The following DST variants were observed in gnomAD, a reference collection of about 807,000 sequenced individuals.
The protein encoded by DST is dystonin, also known as bullous pemphigoid antigen.
DST carries 253 observed loss-of-function variants against 875.2 expected under a neutral mutation model. The observed-to-expected ratio is 0.29, with a 90% CI of 0.26 to 0.32. The LOEUF is 0.32. Among genes scored for constraint, DST ranks in the 10% least tolerant of loss-of-function variants. The pLI, the probability that DST is intolerant of heterozygous loss-of-function variation, is 1.00. For missense variants in DST, 8,287 were observed against 9,111.6 expected, an observed-to-expected ratio of 0.91 and a Z score of 3.68; for synonymous variants, 3,124 against 3,197.1, an observed-to-expected ratio of 0.98 and a Z score of 0.77.
intron 43 of DST, chr6:56,601,945 T>C (rs187779820): frequency 1.4e-4 from 64 of 446,196 alleles, no homozygotes; most frequent in African/African-American, 1.2e-3. Flanking sequence ...GCACTTAAAA[T>C]ATAACTCTGA....
intron 4 of DST, among the ~76,000 whole-genome samples, chr6:56,821,357 T>C (rs2099772849): frequency 6.6e-6 from 1 of 152,192 alleles, no homozygotes; most frequent in Admixed American, 6.5e-5. Context: ...AGAATGAAGC[T>C]TGCAAGGAAG....
chr6:56,592,249 C>T lies in DST; in HGVS notation c.12836G>A (p.Ser4279Asn), dbSNP rs774140251. ...CGCAATAGGTTCAGATAAGTGTTTGCTCGCTGTGGCCTCACAGGCCTGGAG... is the reference window on the plus strand; with the variant it reads ...CGCAATAGGTTCAGATAAGTGTTTGTTCGCTGTGGCCTCACAGGCCTGGAG... The part of the protein sequence containing the change: ...AGLQACEATA[S>N]KHLSEPIAVD... The change falls in exon 49 of 104, where the codon AGC becomes AAC. Residue 4279 changes from serine to asparagine, a missense_variant. By Grantham distance (46) the Ser-to-Asn change is conservative. Around this residue, in one of 10 missense-constraint regions of DST, gnomAD observed 1,513 missense variants for 1,677.8 expected, o/e 0.90. Transcript: ENST00000680361. 1 of 1,613,358 alleles carries T rather than the reference C, an allele frequency of 6.2e-7. No homozygotes were observed. Among genetic ancestry groups the T allele is most frequent in the South Asian group, 1.1e-5 (1 of 90,864 alleles).
intron 49 of DST, 32 bp downstream of exon 49, chr6:56,592,150 C>T (rs1208020978): frequency 1.3e-6 from 2 of 1,598,674 alleles, no homozygotes; most frequent in South Asian, 1.1e-5. Context: ...AGTAAGACTA[C>T]TGGAAATGTG....
chr6:56,631,419 A>G, intron 29 of DST, 30 bp from the exon 30 acceptor site: 1 of 1,597,742 alleles, frequency 6.3e-7, no homozygotes, highest in Non-Finnish European at 8.6e-7. Flanking sequence ...CAAAGGTATC[A>G]GGCCATCACC....
intron 5 of DST, among the ~76,000 whole-genome samples, chr6:56,725,651 G>T (rs1022351425): frequency 2.0e-5 from 3 of 152,190 alleles, no homozygotes; most frequent in African/African-American, 7.2e-5. Flanking sequence ...TTCTCCTCTA[G>T]TATATGGCTT....
chr6:56,650,960 T>G lies in DST; in HGVS notation c.1400A>C (p.Lys467Thr). 6.2e-7 allele frequency: 1 copy of G among 1,613,164 alleles called. No individual in the cohort carries two copies. The highest frequency in any genetic ancestry group is 8.5e-7 in the Non-Finnish European group (1 of 1,179,306). ...AATGCCTTCCCCACCTTCAGGGACT[T>G]TAGGAAATGCATCATAGAGAGATGA... ...YVSSLYDAFP[K>T]VPEGGEGIGA... The change falls in exon 12 of 104, where the codon AAA becomes ACA. Residue 467 changes from lysine to threonine, a missense_variant. By Grantham distance (78) the Lys-to-Thr change is moderately conservative. Around this residue, in one of 10 missense-constraint regions of DST, gnomAD observed 1,160 missense variants for 1,424.3 expected, o/e 0.81. Coordinates refer to ENST00000680361, the MANE Select transcript of DST (RefSeq NM_001374736.1).
At position 56,532,293 on chromosome 6, in the gene DST, A is replaced by G. The variant is rs2096909314; in HGVS notation, c.17108+51T>C. 2.0e-6 allele frequency: 3 copies of G among 1,532,630 alleles called. No homozygotes were observed. The South Asian group carries it at 3.5e-5, about 18-fold the overall frequency. The allele number at this position is 1,532,630 out of a possible 1,614,324, so 94.9% of individuals were successfully genotyped here. On this transcript the variant is annotated intron_variant, in intron 64 of 103. Coordinates refer to ENST00000680361, the MANE Select transcript of DST (RefSeq NM_001374736.1). ...ACAAAATACAAAATGTCAGTTTTGT[A>G]GACAGAGGCCACTGCTACTCTTTCA...
Position 56,608,632 on chromosome 6 carries a change from G to A in DST, c.5996C>T (p.Ser1999Phe). 6.2e-7 allele frequency: 1 copy of A among 1,613,244 alleles called. No homozygotes were observed. The highest frequency in any genetic ancestry group is 8.5e-7 in the Non-Finnish European group (1 of 1,179,570). ...AQLLSGGLIN[S>F]NSGQRMTVEE... ...AACAGTCATTCTTTGGCCAGAGTTG[G>A]AATTGATCAGACCTCCAGAAAGAAG... Residue 1999 changes from serine to phenylalanine, a missense_variant, in exon 40 of 104, where the codon TCC (serine) becomes TTC (phenylalanine). Ser to Phe is a radical substitution (Grantham distance 155). Transcript: ENST00000680361.
chr6:56,512,814 G>A (rs1433991674), intron 72 of DST, among the ~76,000 whole-genome samples: 1 of 152,138 alleles, frequency 6.6e-6, no homozygotes, highest in African/African-American at 2.4e-5. Flanking sequence ...TTTAGAAAGG[G>A]CTAAATAAAG....
chr6:56,554,886 T>A (rs902916813), intron 60 of DST, among the ~76,000 whole-genome samples: 7 of 152,196 alleles, frequency 4.6e-5, no homozygotes, highest in African/African-American at 1.7e-4. Context: ...GCCACAGAAT[T>A]ATAGCCACAG....
rs533308859 is a variant in DST, at chr6:56,796,173, GT to G, written c.625+55223del. The stretch of plus-strand genomic sequence containing the variant: ...GATGCAATACCTAATGTGTCTGAAT[GT>G]TTGGAGAAAATAACGTTAACAACTG... On this transcript the variant is annotated intron_variant, in intron 4 of 103. Coordinates refer to ENST00000680361, the MANE Select transcript of DST (RefSeq NM_001374736.1). 8.5e-5 allele frequency among the ~76,000 whole-genome samples: 13 copies of G among 152,322 alleles called. No homozygotes were observed. The South Asian group carries it at 1.7e-3, about 19-fold the overall frequency.
chr6:56,546,368 AT>A (rs2097223661), intron 61 of DST, among the ~76,000 whole-genome samples: 1 of 135,830 alleles, frequency 7.4e-6, no homozygotes, highest in South Asian at 2.5e-4. Context: ...ATATATATAT[AT>A]ATATATATAT....
intron 9 of DST, among the ~76,000 whole-genome samples, chr6:56,698,077 T>C (rs1257914120): frequency 6.6e-6 from 1 of 152,124 alleles, no homozygotes; most frequent in African/African-American, 2.4e-5. Context: ...GCTAAGTGGA[T>C]ATTCACCTGT....
chr6:56,477,404 G>T lies in DST; in HGVS notation c.21616C>A (p.Pro7206Thr). ...MGDTVLAICHPDSITTIKHWI... is the reference protein window; with the variant it reads ...MGDTVLAICHTDSITTIKHWI... ...TGCTTAATGGTAGTGATGGAGTCGG[G>T]GTGGCAGATAGCCAAAACGGTGTCG... The change falls in exon 91 of 104, where the codon CCC (proline) becomes ACC (threonine). Residue 7206 changes from proline (P) to threonine (T), a missense_variant. By Grantham distance (38) the Pro-to-Thr change is conservative. Around this residue, in one of 10 missense-constraint regions of DST, gnomAD observed 1,292 missense variants for 1,552.7 expected, o/e 0.83. Transcript: ENST00000680361. 6.2e-7 allele frequency: 1 copy of T among 1,613,942 alleles called. No individual in the cohort carries two copies. The highest frequency in any genetic ancestry group is 8.5e-7 in the Non-Finnish European group (1 of 1,179,876).
intron 4 of DST, among the ~76,000 whole-genome samples, chr6:56,811,183 CAAAAAAAAAAAAA>C (rs371256050): frequency 6.3e-4 from 21 of 33,328 alleles, no homozygotes; most frequent in East Asian, 1.3e-3. Context: ...GACCCTGTCT[CAAAAAAAAAAAAA>C]AAAAAAAAAA....
At chr6:56,756,849 C>T (rs2099605268) in intron 4 of DST, among the ~76,000 whole-genome samples, 1 of 152,170 alleles carries the variant, frequency 6.6e-6, no homozygotes, top group Admixed American at 6.5e-5. Flanking sequence ...CAAGTTCAAT[C>T]ATGAATTAAA....
intron 10 of DST, among the ~76,000 whole-genome samples, chr6:56,654,927 G>A (rs191468136): frequency 3.7e-4 from 56 of 152,158 alleles, no homozygotes; most frequent in Non-Finnish European, 1.3e-4. Context: ...TTTGGAGGCC[G>A]AGATGGGAGG....
At chr6:56,516,991 C>T (rs932982149) in intron 71 of DST, among the ~76,000 whole-genome samples, 2 of 152,136 alleles carry the variant, frequency 1.3e-5, no homozygotes, top group Admixed American at 1.3e-4. Context: ...TGTGCCTATT[C>T]AAAAAGATTG....
intron 9 of DST, among the ~76,000 whole-genome samples, chr6:56,673,520 C>A (rs955504081): frequency 1.3e-5 from 2 of 152,110 alleles, no homozygotes; most frequent in Non-Finnish European, 2.9e-5. Context: ...CTACAAGATA[C>A]CAGCTTAACA....
Sources: allele counts gnomAD v4.1 joint callset (sites outside exome capture counted in the v4.1 genomes callset), GRCh38; gene constraint gnomAD v4.1.1; regional missense constraint gnomAD v4.1.1; transcripts MANE v1.5; gene names NCBI Gene and HGNC (gene_info 2026-07-23, HGNC 2026-07-21).